DCDC1: variants seen among roughly 807,000 people sequenced by gnomAD.
DCDC1 encodes the protein doublecortin domain containing 1, also known as doublecortin domain-containing protein 1.
In DCDC1, 200 loss-of-function variants were observed where a neutral mutation model predicts 178.3. The ratio of observed to expected loss-of-function variants is 1.12; its 90% CI spans 1.00 to 1.26. DCDC1 has a LOEUF of 1.26. Ranked by LOEUF, DCDC1 falls within the 50% of genes most tolerant of loss-of-function variation. The pLI is 0.00. For missense variants in DCDC1, 1,983 were observed against 1,749.2 expected, an observed-to-expected ratio of 1.13 and a Z score of -2.38; for synonymous variants, 690 against 604.8, an observed-to-expected ratio of 1.14 and a Z score of -2.07.
chr11:31,084,686 CTCTT>C (rs903165621), intron 17 of DCDC1, among the ~76,000 whole-genome samples: 5 of 151,990 alleles, frequency 3.3e-5, no homozygotes, highest in African/African-American at 1.2e-4. Flanking sequence ...TTCCCTCCCT[CTCTT>C]CCTTCCTTCT....
At chr11:31,033,196 C>A (rs1319575381) in intron 20 of DCDC1, among the ~76,000 whole-genome samples, 1 of 152,132 alleles carries the variant, frequency 6.6e-6, no homozygotes, top group African/African-American at 2.4e-5. Flanking sequence ...CCAAAAAAGT[C>A]TGTTTCAAGT....
At position 31,127,630 on chromosome 11, in the gene DCDC1, G is replaced by A. The variant is rs1202215392; in HGVS notation, c.1324C>T (p.Leu442=). The change falls in exon 11 of 39, where the codon CTG becomes TTG. Residue 442 remains leucine (L), a synonymous_variant. Transcript: ENST00000684477. ...HHKEQEEVSR[L]IDELQTAIKS... Reference sequence around the variant, plus strand: ...ATAGCTGTCTGCAATTCATCAATCAGCCTGCTCACCTGAAGGGGTTAAATT... The same window carrying A: ...ATAGCTGTCTGCAATTCATCAATCAACCTGCTCACCTGAAGGGGTTAAATT... 2.8e-6 allele frequency: 2 copies of A among 702,358 alleles called. No individual in the cohort carries two copies. The highest frequency in any genetic ancestry group is 1.5e-5 in the South Asian group (1 of 67,554). The allele number at this position is 702,358 out of a possible 1,614,324, so 43.5% of individuals were successfully genotyped here. A position where few individuals can be genotyped will look rare whatever the true frequency, so the allele number is the denominator to read the frequency against.
chr11:30,921,543 CTA>C (rs1234341934), intron 24 of DCDC1, among the ~76,000 whole-genome samples: 1 of 152,138 alleles, frequency 6.6e-6, no homozygotes, highest in Non-Finnish European at 1.5e-5. Context: ...CAGTCATGAT[CTA>C]TGGTTTCTCC....
chr11:30,919,813 G>C (rs1031020406), intron 25 of DCDC1, among the ~76,000 whole-genome samples: 5 of 152,136 alleles, frequency 3.3e-5, no homozygotes, highest in African/African-American at 1.2e-4. Flanking sequence ...TAATTGGCCA[G>C]GTATTTTTGG....
At position 31,307,939 on chromosome 11, in the gene DCDC1, T is replaced by C. The variant is rs1948561583; in HGVS notation, c.165-31A>G. 2.5e-6 allele frequency: 4 copies of C among 1,609,620 alleles called. No individual in the cohort carries two copies. In the African/African-American group the frequency reaches 5.3e-5, roughly 22 times the overall value. ...AGAAACAATGCATGGAAGAATACAA[T>C]TAATTGATTTGTAATCATTTATTAA... is the stretch of plus-strand genomic sequence containing the variant. On this transcript the variant is annotated intron_variant, in intron 3 of 38. Coordinates refer to ENST00000684477, the MANE Select transcript of DCDC1 (RefSeq NM_001387274.1).
chr11:31,099,036 C>A (rs1958332913), intron 15 of DCDC1, among the ~76,000 whole-genome samples: 1 of 152,140 alleles, frequency 6.6e-6, no homozygotes, highest in Non-Finnish European at 1.5e-5. Context: ...GTTATTCTCT[C>A]ATTTTTCAAC....
chr11:31,058,255 C>G (rs1035801925), intron 20 of DCDC1, among the ~76,000 whole-genome samples: 12 of 152,194 alleles, frequency 7.9e-5, no homozygotes, highest in Middle Eastern at 3.4e-3. Context: ...AGACTATTTG[C>G]TCTCTCCATT....
chr11:30,955,114 C>T (rs1003940940), intron 20 of DCDC1, among the ~76,000 whole-genome samples: 2 of 152,124 alleles, frequency 1.3e-5, no homozygotes, highest in Non-Finnish European at 2.9e-5. Flanking sequence ...TTTTGGAATA[C>T]GTGGTCTACC....
chr11:31,048,749 C>T (rs1176648581), intron 20 of DCDC1, among the ~76,000 whole-genome samples: 2 of 151,906 alleles, frequency 1.3e-5, no homozygotes, highest in South Asian at 2.1e-4. Flanking sequence ...CCCAGGTACT[C>T]GGGAGGCTGA....
Position 30,915,823 on chromosome 11 carries a change from C to T in DCDC1, c.3453-112G>A, listed in dbSNP as rs543842218. 6.6e-5 allele frequency: 69 copies of T among 1,046,184 alleles called. No homozygotes were observed. In the South Asian group the frequency reaches 8.8e-4, roughly 13 times the overall value. 64.8% of individuals were successfully genotyped at this position (1,046,184 alleles called of 1,614,324 possible). A position where few individuals can be genotyped will look rare whatever the true frequency, so the allele number is the denominator to read the frequency against. On this transcript the variant is annotated intron_variant, in intron 26 of 38. Transcript: ENST00000684477. ...TTGGTGAGAGCTCCAACGTGAAACACGTTAACTTGAAATGATAGACCATAT... is the reference window on the plus strand; with the variant it reads ...TTGGTGAGAGCTCCAACGTGAAACATGTTAACTTGAAATGATAGACCATAT...
intron 38 of DCDC1, among the ~76,000 whole-genome samples, chr11:30,870,865 G>C (rs1941483581): frequency 6.6e-6 from 1 of 152,190 alleles, no homozygotes; most frequent in African/African-American, 2.4e-5. Context: ...AATAGTGACA[G>C]CCTAGCTGAT....
intron 9 of DCDC1, among the ~76,000 whole-genome samples, chr11:31,225,738 C>T (rs1271406338): frequency 6.7e-6 from 1 of 149,708 alleles, no homozygotes; most frequent in Non-Finnish European, 1.5e-5. Context: ...TACCTAGATA[C>T]ATATAGATAT....
At chr11:31,244,299 T>C (rs1435874686) in intron 8 of DCDC1, among the ~76,000 whole-genome samples, 1 of 151,734 alleles carries the variant, frequency 6.6e-6, no homozygotes, top group East Asian at 1.9e-4. Context: ...TGTGAATTAG[T>C]TATTTAAGTG....
At position 31,282,867 on chromosome 11, in the gene DCDC1, G is replaced by A. The variant is rs541685573; in HGVS notation, c.960+7780C>T. Among the ~76,000 whole-genome samples, 36 of 152,000 alleles carry A rather than the reference G, an allele frequency of 2.4e-4. No homozygotes were observed. The South Asian group carries it at 6.2e-3, about 26-fold the overall frequency. ...AAGATAACCAGTTTTTTCTTTCAGC[G>A]CTTTAAACATATTATCTCTCTCTAC... is the stretch of plus-strand genomic sequence containing the variant. On this transcript the variant is annotated intron_variant, in intron 7 of 38. Coordinates refer to ENST00000684477, the MANE Select transcript of DCDC1 (RefSeq NM_001387274.1).
In DCDC1 at chr11:30,864,538, A is replaced by G. The variant is rs1182415846; in HGVS notation, c.*835T>C. 6.6e-6 allele frequency: 1 copy of G among 152,218 alleles called. No individual in the cohort carries two copies. Among genetic ancestry groups the G allele is most frequent in the Non-Finnish European group, 1.5e-5 (1 of 68,034 alleles). The allele number at this position is 152,218 out of a possible 1,614,324, so 9.4% of individuals were successfully genotyped here. On this transcript the variant is annotated 3_prime_UTR_variant, in exon 39 of 39. Coordinates refer to ENST00000684477, the MANE Select transcript of DCDC1 (RefSeq NM_001387274.1). ...AAAGCAGATCCTCTATTCCCATTGT[A>G]CTGTTGTAATTTTGGTTTGCGGCTC...
intron 3 of DCDC1, among the ~76,000 whole-genome samples, chr11:31,327,604 A>C (rs1208564365): frequency 6.6e-6 from 1 of 152,196 alleles, no homozygotes; most frequent in East Asian, 1.9e-4. Context: ...TCCCAGAGAT[A>C]ATTTACATTT....
At chr11:31,008,449 GC>G (rs1178701609) in intron 20 of DCDC1, among the ~76,000 whole-genome samples, 1 of 152,134 alleles carries the variant, frequency 6.6e-6, no homozygotes, top group African/African-American at 2.4e-5. Context: ...GAGCAAGTGG[GC>G]ATGAGTGAGT....
At chr11:31,128,047 A>G (rs569690740) in intron 10 of DCDC1, among the ~76,000 whole-genome samples, 1 of 152,058 alleles carries the variant, frequency 6.6e-6, no homozygotes, top group Non-Finnish European at 1.5e-5. Flanking sequence ...CTTCCTTTTT[A>G]GAATATTTTA....
At chr11:30,889,051 C>CA in intron 36 of DCDC1, among the ~76,000 whole-genome samples, 1 of 152,282 alleles carries the variant, frequency 6.6e-6, no homozygotes, top group East Asian at 1.9e-4. Context: ...CTCATGCATT[C>CA]AGAACCATTC....
Sources: allele counts gnomAD v4.1 joint callset (sites outside exome capture counted in the v4.1 genomes callset), GRCh38; gene constraint gnomAD v4.1.1; transcripts MANE v1.5; gene names NCBI Gene and HGNC (gene_info 2026-07-23, HGNC 2026-07-21).